Variants in RASA2 observed in about 807,000 individuals in gnomAD.
RASA2 encodes RAS p21 protein activator 2, also known as ras GTPase-activating protein 2.
Under a neutral mutation model 118.2 loss-of-function variants are expected in RASA2, and 155 were observed. The ratio of observed to expected loss-of-function variants is 1.31; its 90% CI spans 1.15 to 1.50. RASA2 has a LOEUF of 1.50. Ranked by LOEUF, RASA2 falls within the 40% of genes most tolerant of loss-of-function variation. RASA2 has a pLI of 0.00. For synonymous variants in RASA2, 353 were observed against 349.1 expected (o/e 1.01, Z -0.12); for missense variants, 1,016 against 1,009.6 (o/e 1.01, Z -0.09).
At chr3:141,496,106 G>T in intron 1 of RASA2, among the ~76,000 whole-genome samples, 1 of 152,312 alleles carries the variant, frequency 6.6e-6, no homozygotes, top group South Asian at 2.1e-4. Context: ...GGGAAAACTG[G>T]CTAGGCATGT....
intron 5 of RASA2, among the ~76,000 whole-genome samples, chr3:141,543,149 A>T (rs2082430351): frequency 6.6e-6 from 1 of 151,730 alleles, no homozygotes; most frequent in Non-Finnish European, 1.5e-5. Context: ...ACTTTTTAGA[A>T]TTCCATTTTG....
At chr3:141,544,840 A>G (rs959476238) in intron 5 of RASA2, among the ~76,000 whole-genome samples, 3 of 152,264 alleles carry the variant, frequency 2.0e-5, no homozygotes, top group African/African-American at 7.2e-5. Flanking sequence ...TTGCAGGAAC[A>G]TAGGCGGAGC....
rs768978104 is a variant in RASA2, at chr3:141,571,515, T to C, written c.1130T>C (p.Phe377Ser). The C allele has an allele frequency of 6.2e-7, 1 of 1,612,982 alleles. No homozygotes were observed. The highest frequency in any genetic ancestry group is 8.5e-7 in the Non-Finnish European group (1 of 1,179,408). The change falls in exon 11 of 24, where the codon TTT (phenylalanine) becomes TCT (serine). Residue 377 changes from phenylalanine to serine, a missense_variant. Physicochemically the swap from Phe to Ser is radical, Grantham distance 155 (BLOSUM62 -2). Transcript: ENST00000286364. ...LLLHHDKLVP[F>S]ATAVAELDLK... ...CTGCACCATGATAAACTTGTTCCTT[T>C]TGCCACTGCTGTGGCTGAATTAGAC...
intron 4 of RASA2, among the ~76,000 whole-genome samples, chr3:141,536,345 G>T (rs937801680): frequency 2.0e-4 from 30 of 152,158 alleles, no homozygotes; most frequent in Admixed American, 1.9e-3. Context: ...GGAAAGACTG[G>T]CCCCCATGAT....
chr3:141,586,868 C>T (rs1444617030), intron 19 of RASA2, 116 bp downstream of exon 19: 1 of 824,374 alleles, frequency 1.2e-6, no homozygotes, highest in East Asian at 2.7e-5. Context: ...TTTATGGTTT[C>T]TCACACTGAT....
chr3:141,552,644 A>G (rs2082591416), intron 5 of RASA2, among the ~76,000 whole-genome samples: 1 of 152,166 alleles, frequency 6.6e-6, no homozygotes, highest in Non-Finnish European at 1.5e-5. Context: ...CCTCAACCCA[A>G]CATTAAAACC....
At chr3:141,590,013 T>C (rs545023270) in intron 19 of RASA2, 3 of 417,946 alleles carry the variant, frequency 7.2e-6, no homozygotes, top group South Asian at 3.5e-5. Context: ...GAATGAGATA[T>C]GAAGTTTCAA....
intron 23 of RASA2, 48 bp downstream of exon 23, chr3:141,610,114 A>C: frequency 6.9e-7 from 1 of 1,457,572 alleles, no homozygotes; most frequent in Non-Finnish European, 9.2e-7. Flanking sequence ...ACGGAGTTTG[A>C]GATTGCCTCT....
At position 141,559,950 on chromosome 3, in the gene RASA2, A is replaced by G. The variant is rs1230837765; in HGVS notation, c.818A>G (p.Lys273Arg). ...CAAGATGTTTTCCTAGGTGAGATTA[A>G]GGTTCCTGTGAACGTATTAAGAACT... Reference protein sequence around the residue: ...LVQDVFLGEIKVPVNVLRTDS... With the variant: ...LVQDVFLGEIRVPVNVLRTDS... The change falls in exon 9 of 24, where the codon AAG becomes AGG. Residue 273 changes from lysine to arginine, a missense_variant. Transcript: ENST00000286364. 6.2e-7 allele frequency: 1 copy of G among 1,613,216 alleles called. No homozygotes were observed.
intron 19 of RASA2, 44 bp from the exon 20 acceptor site, chr3:141,607,634 G>T: frequency 6.6e-7 from 1 of 1,514,686 alleles, no homozygotes; most frequent in Admixed American, 2.2e-5. Context: ...TTATAATTCT[G>T]ATGGAAATTA....
At chr3:141,561,263 G>C (rs1276967677) in intron 9 of RASA2, among the ~76,000 whole-genome samples, 1 of 152,160 alleles carries the variant, frequency 6.6e-6, no homozygotes, top group Non-Finnish European at 1.5e-5. Flanking sequence ...GTACAGAAGA[G>C]AAAAACACGT....
At chr3:141,534,490 A>G (rs1303802842) in intron 4 of RASA2, among the ~76,000 whole-genome samples, 2 of 152,172 alleles carry the variant, frequency 1.3e-5, no homozygotes, top group Admixed American at 6.5e-5. Context: ...TGTGCTATCA[A>G]CCATGTCCTA....
intron 5 of RASA2, among the ~76,000 whole-genome samples, chr3:141,543,908 T>G (rs1034609680): frequency 2.1e-5 from 3 of 143,426 alleles, no homozygotes; most frequent in African/African-American, 7.8e-5. Context: ...TGGAGTCTAG[T>G]TCTGTCACTC....
At chr3:141,498,116 A>G (rs1418535915) in intron 1 of RASA2, among the ~76,000 whole-genome samples, 2 of 152,174 alleles carry the variant, frequency 1.3e-5, no homozygotes, top group Non-Finnish European at 2.9e-5. Context: ...ACTAATGTTT[A>G]TTGAGTATTT....
intron 2 of RASA2, among the ~76,000 whole-genome samples, chr3:141,515,706 C>T (rs1033341890): frequency 1.3e-5 from 2 of 151,684 alleles, no homozygotes; most frequent in East Asian, 1.9e-4. Context: ...TTGAGACCAT[C>T]CTGGCCAACA....
intron 1 of RASA2, among the ~76,000 whole-genome samples, chr3:141,508,915 T>C (rs1481977947): frequency 6.6e-6 from 1 of 152,144 alleles, no homozygotes; most frequent in Non-Finnish European, 1.5e-5. Flanking sequence ...GCAAGTACAG[T>C]CTTCCAAAGT....
At chr3:141,548,682 T>G (rs571068391) in intron 5 of RASA2, among the ~76,000 whole-genome samples, 1 of 152,328 alleles carries the variant, frequency 6.6e-6, no homozygotes, top group East Asian at 1.9e-4. Flanking sequence ...GAGTAATGTA[T>G]GGGAAGATTC....
intron 19 of RASA2, among the ~76,000 whole-genome samples, chr3:141,602,821 A>G (rs2083486879): frequency 6.6e-6 from 1 of 152,220 alleles, no homozygotes; most frequent in Non-Finnish European, 1.5e-5. Context: ...TCAGAGTCAC[A>G]GCAAATTGAC....
At chr3:141,596,444 A>G (rs1286369548) in intron 19 of RASA2, among the ~76,000 whole-genome samples, 3 of 152,354 alleles carry the variant, frequency 2.0e-5, no homozygotes, top group East Asian at 1.9e-4. Context: ...GATTTCTTAC[A>G]TAACTAAATG....
Sources: gnomAD v4.1 joint callset for allele counts (sites outside exome capture counted in the v4.1 genomes callset) on GRCh38, gnomAD v4.1.1 for gene constraint, MANE v1.5 for transcripts, NCBI Gene and HGNC (gene_info 2026-07-23, HGNC 2026-07-21) for gene names.